The following SMAGP variants were observed in gnomAD, a reference collection of about 807,000 sequenced individuals.
SMAGP encodes small cell transmembrane and glycosylated protein.
SMAGP carries 7 observed loss-of-function variants against 10.1 expected under a neutral mutation model. The ratio of observed to expected loss-of-function variants is 0.70; its 90% CI spans 0.40 to 1.31. The LOEUF (loss-of-function observed/expected upper bound fraction) is 1.31. Ranked by LOEUF, SMAGP falls within the 50% of genes most tolerant of loss-of-function variation. The probability of loss-of-function intolerance (pLI) is 0.01; values close to 1 mark genes in which losing one functional copy is unlikely to be tolerated. For missense variants in SMAGP, 113 were observed against 116.5 expected (o/e 0.97, Z 0.14); for synonymous variants, 49 against 47.2 (o/e 1.04, Z -0.16).
At chr12:51,250,253 G>A (rs1037720594) in intron 2 of SMAGP, among the ~76,000 whole-genome samples, 3 of 151,132 alleles carry the variant, frequency 2.0e-5, no homozygotes, top group Admixed American at 2.0e-4. Flanking sequence ...GTGGTAATAT[G>A]CGCCTGTAGT....
chr12:51,267,569 T>C (rs1944987336), intron 2 of SMAGP, among the ~76,000 whole-genome samples: 1 of 150,586 alleles, frequency 6.6e-6, no homozygotes, highest in African/African-American at 2.4e-5. Context: ...TCTCGGCTCA[T>C]TGCAACCTCC....
rs1163580626 is a variant in SMAGP at position 51,262,768 on chromosome 12, T to C, written c.34+6477A>G. ...TTGTTAACCCAGATACTGGCTGGCT[T>C]CTTTGTGGTCCTTGTTCCCAGCTTG... is the stretch of plus-strand genomic sequence containing the variant. On this transcript the variant is annotated intron_variant, in intron 2 of 3. Transcript: ENST00000603798. Among the ~76,000 whole-genome samples the C allele has an allele frequency of 2.0e-5, 3 of 152,198 alleles. No homozygotes were observed. The East Asian group carries it at 5.8e-4, about 29-fold the overall frequency.
At chr12:51,267,736 C>T (rs1944989002) in intron 2 of SMAGP, among the ~76,000 whole-genome samples, 1 of 152,238 alleles carries the variant, frequency 6.6e-6, no homozygotes, top group East Asian at 1.9e-4. Context: ...CTCAGTCTGC[C>T]TGCCTCAACC....
At chr12:51,246,453 C>A in intron 3 of SMAGP, 1 of 427,002 alleles carries the variant, frequency 2.3e-6, no homozygotes, top group South Asian at 5.2e-5. Flanking sequence ...TGATCCTCCC[C>A]CTCTTCCTCA....
intron 2 of SMAGP, among the ~76,000 whole-genome samples, chr12:51,265,392 G>A (rs1350096341): frequency 6.6e-6 from 1 of 152,186 alleles, no homozygotes; most frequent in East Asian, 1.9e-4. Flanking sequence ...ACTGAAAGCA[G>A]GGTCTCAAGA....
intron 2 of SMAGP, among the ~76,000 whole-genome samples, chr12:51,253,799 G>C (rs969860272): frequency 6.6e-6 from 1 of 152,116 alleles, no homozygotes; most frequent in African/African-American, 2.4e-5. Context: ...CCAGCTACTT[G>C]GGAGGCCAAG....
chr12:51,246,410 G>T (rs989567790), intron 3 of SMAGP: 2 of 469,790 alleles, frequency 4.3e-6, no homozygotes, highest in Non-Finnish European at 7.5e-6. Flanking sequence ...GAGGGAACAG[G>T]AAATGGCTTA....
chr12:51,256,490 G>C (rs373211439), intron 2 of SMAGP, among the ~76,000 whole-genome samples: 3 of 152,174 alleles, frequency 2.0e-5, no homozygotes, highest in African/African-American at 7.2e-5. Context: ...GGGAGGCAGA[G>C]GCAGGCGGAT....
intron 3 of SMAGP, 112 bp downstream of exon 3, chr12:51,246,639 T>TGA (rs1555166538): frequency 1.6e-6 from 1 of 626,212 alleles, no homozygotes; most frequent in Non-Finnish European, 2.7e-6. Context: ...TGTGTGTGTG[T>TGA]AATATAACTT....
chr12:51,248,434 ACTCTCTCTCTCTCT>A (rs56012746), intron 2 of SMAGP, among the ~76,000 whole-genome samples: 150 of 77,550 alleles, frequency 1.9e-3, no homozygotes, highest in African/African-American at 5.1e-3. Flanking sequence ...ACACACACAC[ACTCTCTCTCTCTCT>A]CTCTCTCTCT....
At chr12:51,253,881 A>T (rs1431096090) in intron 2 of SMAGP, among the ~76,000 whole-genome samples, 1 of 152,098 alleles carries the variant, frequency 6.6e-6, no homozygotes, top group Admixed American at 6.6e-5. Flanking sequence ...ACTCCAGCCC[A>T]GGCGAAAGAG....
chr12:51,253,263 T>G (rs907916766), intron 2 of SMAGP, among the ~76,000 whole-genome samples: 1 of 152,100 alleles, frequency 6.6e-6, no homozygotes, highest in African/African-American at 2.4e-5. Flanking sequence ...AAACAGTTAG[T>G]TCAACAAGAA....
At chr12:51,263,181 G>A (rs1427687585) in intron 2 of SMAGP, among the ~76,000 whole-genome samples, 3 of 152,036 alleles carry the variant, frequency 2.0e-5, no homozygotes, top group South Asian at 2.1e-4. Context: ...TCAGAAGTTC[G>A]AGACCAGTCT....
intron 2 of SMAGP, among the ~76,000 whole-genome samples, chr12:51,256,305 G>A (rs1565658662): frequency 2.0e-5 from 3 of 152,116 alleles, no homozygotes; most frequent in South Asian, 2.1e-4. Context: ...GAATTTGGAG[G>A]CCAGGTGCGG....
Position 51,249,574 on chromosome 12 carries a change from G to T in SMAGP, c.35-2743C>A, listed in dbSNP as rs535193318. On this transcript the variant is annotated intron_variant, in intron 2 of 3. Coordinates refer to ENST00000603798, the MANE Select transcript of SMAGP (RefSeq NM_001031628.2). ...ACAGAAGTCTTCTGTGTCAACTGTT[G>T]TGAGAGCTGAGGAAAAATGGTTTTA... Among the ~76,000 whole-genome samples the T allele has an allele frequency of 3.9e-5, 6 of 152,146 alleles. No individual in the cohort carries two copies. In the South Asian group the frequency reaches 1.2e-3, roughly 32 times the overall value.
chr12:51,248,434 A>ACACTCTCACTCTCTCTCTCTCT (rs1188710796), intron 2 of SMAGP, among the ~76,000 whole-genome samples: 1 of 77,468 alleles, frequency 1.3e-5, no homozygotes, highest in African/African-American at 5.1e-5. Flanking sequence ...ACACACACAC[A>ACACTCTCACTCTCTCTCTCTCT]CTCTCTCTCT....
intron 2 of SMAGP, 90 bp downstream of exon 2, chr12:51,269,155 C>A (rs1945003640): frequency 6.8e-7 from 1 of 1,469,800 alleles, no homozygotes; most frequent in African/African-American, 1.4e-5. Flanking sequence ...TGGGAGTCTT[C>A]CCACCTGGGC....
chr12:51,270,208 T>C (rs1227316220), intron 1 of SMAGP, 48 bp downstream of exon 1: 3 of 152,428 alleles, frequency 2.0e-5, no homozygotes, highest in African/African-American at 7.2e-5. Context: ...CTGCGGCGAA[T>C]GTGGGCGACC....
At chr12:51,257,908 G>A (rs901751853) in intron 2 of SMAGP, among the ~76,000 whole-genome samples, 4 of 152,110 alleles carry the variant, frequency 2.6e-5, no homozygotes, top group Non-Finnish European at 4.4e-5. Flanking sequence ...CCAGCACTTT[G>A]AGAGTCCAAT....
Sources: allele counts gnomAD v4.1 joint callset (sites outside exome capture counted in the v4.1 genomes callset), GRCh38; gene constraint gnomAD v4.1.1; transcripts MANE v1.5; gene names NCBI Gene and HGNC (gene_info 2026-07-23, HGNC 2026-07-21).